Variants in TSN observed in about 807,000 individuals in gnomAD.
The protein encoded by TSN is translin.
TSN carries 5 observed loss-of-function variants against 29.4 expected under a neutral mutation model. The ratio of observed to expected loss-of-function variants is 0.17; its 90% confidence interval spans 0.09 to 0.36. TSN has a LOEUF of 0.36. TSN is among the 10% of genes least tolerant of loss of function. The pLI is 1.00. For synonymous variants in TSN, 106 were observed against 102.2 expected, an observed-to-expected ratio of 1.04 and a Z score of -0.23; for missense variants, 159 against 272.8, an observed-to-expected ratio of 0.58 and a Z score of 2.94.
At chr2:121,765,040 T>C (rs1558693587) in intron 5 of TSN, 94 bp from the exon 6 acceptor site, 16 of 1,160,938 alleles carry the variant, frequency 1.4e-5, no homozygotes, top group Non-Finnish European at 2.0e-5. Flanking sequence ...CGTGGCTGTC[T>C]AGGCTTGCGG....
intron 1 of TSN, 50 bp from the exon 2 acceptor site, chr2:121,757,190 A>G (rs373948186): frequency 2.7e-5 from 42 of 1,539,550 alleles, no homozygotes; most frequent in Admixed American, 5.1e-5. Context: ...GTGTGAGTGT[A>G]TGACAATGAT....
At position 121,755,806 on chromosome 2, in the gene TSN, G is replaced by A. The variant is rs1331198246; in HGVS notation, c.27G>A (p.Glu9=). 1.9e-6 allele frequency: 3 copies of A among 1,614,074 alleles called. No homozygotes were observed. Among genetic ancestry groups the A allele is most frequent in the Admixed American group, 3.3e-5 (2 of 60,030 alleles). The part of the protein sequence containing the change: MSVSEIFV[E]LQGFLAAEQD... ...TGTCTGTGAGCGAGATCTTCGTGGA[G>A]CTGCAGGGCTTTTTGGCTGCCGAGC... The change falls in exon 1 of 6, where the codon GAG becomes GAA. Residue 9 remains glutamate (E), a synonymous_variant. Transcript: ENST00000389682.
chr2:121,761,597 A>C lies in TSN; in HGVS notation c.373+73A>C, dbSNP rs1043303147. ...ACTTTTTGGTGGAAAGGGTGGTTGT[A>C]CTTTGTTTATTAAAACAAACAAGAA... On this transcript the variant is annotated intron_variant, in intron 4 of 5. Transcript: ENST00000389682. The C allele has an allele frequency of 1.1e-5, 13 of 1,171,938 alleles. 1 individual carries two copies. The highest frequency in any genetic ancestry group is 1.9e-4 in the Middle Eastern group (1 of 5,140). 72.6% of individuals were successfully genotyped at this position (1,171,938 alleles called of 1,614,324 possible).
intron 4 of TSN, among the ~76,000 whole-genome samples, chr2:121,762,590 G>C: frequency 6.6e-6 from 1 of 152,180 alleles, no homozygotes; most frequent in East Asian, 1.9e-4. Flanking sequence ...TGAAAGAATA[G>C]TACAATGAAT....
intron 1 of TSN, among the ~76,000 whole-genome samples, chr2:121,756,968 C>T (rs2074759115): frequency 6.6e-6 from 1 of 151,366 alleles, no homozygotes; most frequent in African/African-American, 2.4e-5. Context: ...TTGCATTTAA[C>T]TCTTCATTTT....
At chr2:121,756,029 C>T (rs2106450799) in intron 1 of TSN, 184 bp downstream of exon 1, 2 of 1,263,684 alleles carry the variant, frequency 1.6e-6, no homozygotes, top group South Asian at 1.6e-5. Context: ...TGTCCTGATT[C>T]CCCGTGTTCG....
chr2:121,763,136 AGTT>A, intron 5 of TSN, 52 bp downstream of exon 5: 23 of 650,764 alleles, frequency 3.5e-5, no homozygotes, highest in Non-Finnish European at 4.8e-5. Flanking sequence ...CTTCACTGTC[AGTT>A]TTTTTTTTTT....
At chr2:121,756,022 C>T in intron 1 of TSN, 177 bp downstream of exon 1, 1 of 1,317,266 alleles carries the variant, frequency 7.6e-7, no homozygotes. Flanking sequence ...GCTGCTCTGT[C>T]CTGATTCCCC....
At chr2:121,764,358 A>G (rs571057938) in intron 5 of TSN, among the ~76,000 whole-genome samples, 54 of 152,230 alleles carry the variant, frequency 3.5e-4, no homozygotes, top group Admixed American at 9.8e-4. Context: ...TAATGCTGGC[A>G]GTTTTGGAGA....
chr2:121,760,583 C>G (rs1398607755), intron 3 of TSN, among the ~76,000 whole-genome samples: 2 of 152,104 alleles, frequency 1.3e-5, no homozygotes, highest in South Asian at 4.1e-4. Flanking sequence ...GCATAAATAT[C>G]CACAGGTTGT....
intron 3 of TSN, among the ~76,000 whole-genome samples, chr2:121,761,197 A>G (rs953251448): frequency 1.3e-5 from 2 of 152,166 alleles, no homozygotes; most frequent in Admixed American, 6.5e-5. Context: ...TCAAAATTAG[A>G]CCATATTTGT....
At chr2:121,763,817 T>C (rs1480342387) in intron 5 of TSN, among the ~76,000 whole-genome samples, 4 of 151,846 alleles carry the variant, frequency 2.6e-5, no homozygotes, top group Non-Finnish European at 5.9e-5. Flanking sequence ...CAAAATTGAG[T>C]AGTTGTGATA....
chr2:121,758,911 A>G, intron 3 of TSN, 105 bp downstream of exon 3: 1 of 688,504 alleles, frequency 1.5e-6, no homozygotes, highest in Non-Finnish European at 2.1e-6. Context: ...CCTGTGTAGA[A>G]GTAACAAAAA....
chr2:121,757,178 T>C, intron 1 of TSN, 62 bp from the exon 2 acceptor site: 1 of 1,470,960 alleles, frequency 6.8e-7, no homozygotes, highest in Non-Finnish European at 9.5e-7. Context: ...CTAATGTGTT[T>C]TGTGTGAGTG....
In TSN at chr2:121,755,908, G is replaced by T. The variant is rs554877548; in HGVS notation, c.66+63G>T. 3.7e-6 allele frequency: 6 copies of T among 1,608,062 alleles called. No homozygotes were observed. The Admixed American group carries it at 8.4e-5, about 22-fold the overall frequency. On this transcript the variant is annotated intron_variant, in intron 1 of 5. Coordinates refer to ENST00000389682, the MANE Select transcript of TSN (RefSeq NM_004622.3). ...ATGCCTAGTTGGGCCACTTCGCCCG[G>T]CCCTCCTCTGTCGCTCAGTCTCGGG...
intron 5 of TSN, 129 bp from the exon 6 acceptor site, chr2:121,765,005 T>G (rs1430320739): frequency 2.5e-6 from 2 of 797,924 alleles, no homozygotes; most frequent in Non-Finnish European, 4.2e-6. Flanking sequence ...TCTGTACTTG[T>G]GTGTACCCTG....
At chr2:121,755,909 C>G in intron 1 of TSN, 64 bp downstream of exon 1, 1 of 1,608,246 alleles carries the variant, frequency 6.2e-7, no homozygotes, top group Non-Finnish European at 8.5e-7. Context: ...CTTCGCCCGG[C>G]CCTCCTCTGT....
chr2:121,760,942 G>A (rs987046473), intron 3 of TSN, among the ~76,000 whole-genome samples: 4 of 148,436 alleles, frequency 2.7e-5, no homozygotes, highest in Non-Finnish European at 4.4e-5. Context: ...GTGATCTTGC[G>A]CACTGCAACC....
intron 1 of TSN, 53 bp from the exon 2 acceptor site, chr2:121,757,185 AGT>A (rs1234761689): frequency 6.7e-7 from 1 of 1,499,900 alleles, no homozygotes; most frequent in Non-Finnish European, 9.2e-7. Flanking sequence ...GTTTTGTGTG[AGT>A]GTATGACAAT....
Sources: allele counts gnomAD v4.1 joint callset (sites outside exome capture counted in the v4.1 genomes callset), GRCh38; gene constraint gnomAD v4.1.1; transcripts MANE v1.5; gene names NCBI Gene and HGNC (gene_info 2026-07-23, HGNC 2026-07-21).